Variants in CST6 observed in about 807,000 individuals in gnomAD.
CST6 encodes cystatin E/M, also known as cystatin-M.
In CST6, 8 loss-of-function variants were observed where a neutral mutation model predicts 10.7. That is an observed-to-expected ratio of 0.75 (90% confidence interval 0.44 to 1.34). CST6 has a LOEUF of 1.34. Among genes scored for constraint, CST6 ranks in the 40% most tolerant of loss-of-function variants. The pLI, the probability that CST6 is intolerant of heterozygous loss-of-function variation, is 0.01. For missense variants in CST6, 206 were observed against 205.1 expected (o/e 1.00, Z -0.03); for synonymous variants, 100 against 89.3 (o/e 1.12, Z -0.68).
In CST6 at chr11:66,012,228, G is replaced by A. The variant is rs1367902456; in HGVS notation, c.184G>A (p.Gly62Ser). The A allele has an allele frequency of 6.2e-7, 1 of 1,604,656 alleles. No individual in the cohort carries two copies. ...AQAAVASYNMGSNSIYYFRDT... is the reference protein window; with the variant it reads ...AQAAVASYNMSSNSIYYFRDT... ...GGCGGCCGTGGCCAGCTACAACATG[G>A]GCAGCAACAGCATCTACTACTTCCG... Residue 62 changes from glycine (G) to serine (S), a missense_variant, in exon 1 of 3, where the codon GGC (glycine) becomes AGC (serine). Coordinates refer to ENST00000312134, the MANE Select transcript of CST6 (RefSeq NM_001323.4).
chr11:66,012,909 C>T lies in CST6; in HGVS notation c.324C>T (p.Val108=), dbSNP rs201325346. 1.2e-5 allele frequency: 20 copies of T among 1,613,662 alleles called. No homozygotes were observed. In the African/African-American group the frequency reaches 1.3e-4, roughly 11 times the overall value. The change falls in exon 2 of 3, where the codon GTC becomes GTT. Residue 108 remains valine (V), a synonymous_variant. Coordinates refer to ENST00000312134, the MANE Select transcript of CST6 (RefSeq NM_001323.4). ...AGACCAGGGTCACTGGAGACCACGT[C>T]GACCTCACCACTTGCCCCCTGGCAG... ...CRKTRVTGDH[V]DLTTCPLAAG... is the part of the protein sequence containing the mutation.
At position 66,012,028 on chromosome 11, in the gene CST6, C is replaced by CGACGGCACT. The variant is rs780195041; in HGVS notation, c.-10_-2dup. 6 of 1,524,258 alleles carry CGACGGCACT rather than the reference C, an allele frequency of 3.9e-6. No homozygotes were observed. In the Admixed American group the frequency reaches 1.2e-4, roughly 29 times the overall value. 94.4% of individuals were successfully genotyped at this position (1,524,258 alleles called of 1,614,324 possible). On this transcript the variant is annotated 5_prime_UTR_variant, in exon 1 of 3. Coordinates refer to ENST00000312134, the MANE Select transcript of CST6 (RefSeq NM_001323.4). ...TCGGCACTCACGGCTCTGAGGGCTC[C>CGACGGCACT]GACGGCACTGACGGCCATGGCGCGT...
In CST6 at chr11:66,012,092, A is replaced by G. The variant is rs754583999; in HGVS notation, c.48A>G (p.Ala16=). 6.4e-7 allele frequency: 1 copy of G among 1,567,378 alleles called. No individual in the cohort carries two copies. The highest frequency in any genetic ancestry group is 8.6e-7 in the Non-Finnish European group (1 of 1,164,970). Residue 16 remains alanine (A), a synonymous_variant, in exon 1 of 3, where the codon GCA becomes GCG. Transcript: ENST00000312134. ...TGGCGCTGGGCCTGGCCCTGGTCGC[A>G]TTCTGCCTCCTGGCGCTGCCACGCG... The part of the protein sequence containing the change: ...LPLALGLALV[A]FCLLALPRDA...
chr11:66,012,991 C>T, intron 2 of CST6, 40 bp downstream of exon 2: 1 of 1,608,700 alleles, frequency 6.2e-7, no homozygotes, highest in Non-Finnish European at 8.5e-7. Context: ...CTCCCCAGAG[C>T]CTCAGGCACT....
chr11:66,012,569 T>TG (rs1162356716), intron 1 of CST6, among the ~76,000 whole-genome samples: 1 of 151,468 alleles, frequency 6.6e-6, no homozygotes. Context: ...GTGGGGACAG[T>TG]GGGCAGCTCC....
In CST6 at chr11:66,012,291, C is replaced by T. The variant is rs369877968; in HGVS notation, c.240+7C>T. 979 of 1,586,282 alleles carry T rather than the reference C, an allele frequency of 6.2e-4. 2 individuals carry two copies. The highest frequency in any genetic ancestry group is 7.6e-4 in the Non-Finnish European group (879 of 1,162,290). ...CATCAAGGCGCAGAGCCAGGTGCGGCGGGCGGGGTGCTGGGAGGGGACACC... is the reference window on the plus strand; with the variant it reads ...CATCAAGGCGCAGAGCCAGGTGCGGTGGGCGGGGTGCTGGGAGGGGACACC... On this transcript the variant is annotated splice_region_variant and intron_variant, in intron 1 of 2. Transcript: ENST00000312134.
intron 1 of CST6, 109 bp from the exon 2 acceptor site, chr11:66,012,717 C>T: frequency 1.7e-6 from 1 of 599,332 alleles, no homozygotes; most frequent in South Asian, 2.1e-5. Context: ...CATCCCCTCT[C>T]CCTCTCTCCC....
chr11:66,013,056 G>C, intron 2 of CST6, 105 bp downstream of exon 2: 4 of 1,451,906 alleles, frequency 2.8e-6, no homozygotes, highest in Non-Finnish European at 3.8e-6. Context: ...TAGATGTCTG[G>C]CTGAACCTGT....
chr11:66,012,344 C>T, intron 1 of CST6, 60 bp downstream of exon 1: 1 of 1,519,370 alleles, frequency 6.6e-7, no homozygotes, highest in Non-Finnish European at 8.9e-7. Flanking sequence ...GCCACAGGCG[C>T]TGCCCCAGCG....
intron 1 of CST6, 105 bp from the exon 2 acceptor site, chr11:66,012,721 C>A: frequency 1.3e-6 from 1 of 755,852 alleles, no homozygotes; most frequent in Non-Finnish European, 1.9e-6. Context: ...CCCTCTCCCT[C>A]TCTCCCCACC....
At position 66,012,881 on chromosome 11, in the gene CST6, G is replaced by A. The variant is rs762210200; in HGVS notation, c.296G>A (p.Arg99His). 10 of 1,613,196 alleles carry A rather than the reference G, an allele frequency of 6.2e-6. No individual in the cohort carries two copies. The highest frequency in any genetic ancestry group is 4.4e-5 in the South Asian group (4 of 91,060). The change falls in exon 2 of 3, where the codon CGC becomes CAC. Residue 99 changes from arginine to histidine, a missense_variant. Arg to His is a conservative substitution (Grantham distance 29). Transcript: ENST00000312134. ...ATGGAGATGGGGAGCACAGACTGCC[G>A]CAAGACCAGGGTCACTGGAGACCAC... The part of the protein sequence containing the change: ...LTMEMGSTDC[R>H]KTRVTGDHVD...
chr11:66,013,139 G>A (rs1278490308), intron 2 of CST6, 178 bp from the exon 3 acceptor site: 1 of 981,984 alleles, frequency 1.0e-6, no homozygotes, highest in South Asian at 1.3e-5. Flanking sequence ...CCTCGGGAAT[G>A]GGGAAGTTGG....
Position 66,012,825 on chromosome 11 carries a change from G to A in CST6, c.241-1G>A, listed in dbSNP as rs1856184023. Reference sequence around the variant, plus strand: ...GACCTGCCCCTACCCTATGCCCCCAGCTGGTGGCCGGCATCAAGTACTTCC... The same window carrying A: ...GACCTGCCCCTACCCTATGCCCCCAACTGGTGGCCGGCATCAAGTACTTCC... On this transcript the variant is annotated splice_acceptor_variant, in intron 1 of 2. Transcript: ENST00000312134. LOFTEE classifies it high-confidence loss of function. 6.2e-7 allele frequency: 1 copy of A among 1,602,950 alleles called. No individual in the cohort carries two copies. The highest frequency in any genetic ancestry group is 8.5e-7 in the Non-Finnish European group (1 of 1,171,828).
At position 66,013,489 on chromosome 11, in the gene CST6, C is replaced by A; in HGVS notation, c.*89C>A. ...GGCCGTATCTGTCACAATAAATGGC[C>A]AGTGCTGCTTCTTGCATTGGTTTCT... On this transcript the variant is annotated 3_prime_UTR_variant, in exon 3 of 3. Coordinates refer to ENST00000312134, the MANE Select transcript of CST6 (RefSeq NM_001323.4). 1 of 1,066,838 alleles carries A rather than the reference C, an allele frequency of 9.4e-7. No individual in the cohort carries two copies. The highest frequency in any genetic ancestry group is 1.3e-5 in the South Asian group (1 of 79,912). 66.1% of individuals were successfully genotyped at this position (1,066,838 alleles called of 1,614,324 possible).
Position 66,013,385 on chromosome 11 carries a change from C to A in CST6, c.435C>A (p.Asn145Lys). The change falls in exon 3 of 3, where the codon AAC (asparagine) becomes AAA (lysine). Residue 145 changes from asparagine (N) to lysine (K), a missense_variant. Asn to Lys is a moderately conservative substitution (Grantham distance 94, BLOSUM62 0). Coordinates refer to ENST00000312134, the MANE Select transcript of CST6 (RefSeq NM_001323.4). ...ACTCCTCTCAGCTCCTAAAGCACAA[C>A]TGTGTGCAGATGTGATAAGTCCCCG... ...WQNSSQLLKH[N>K]CVQM The A allele has an allele frequency of 6.2e-7, 1 of 1,614,198 alleles. No homozygotes were observed. Among genetic ancestry groups the A allele is most frequent in the South Asian group, 1.1e-5 (1 of 91,088 alleles).
At chr11:66,013,154 C>T (rs771575909) in intron 2 of CST6, 163 bp from the exon 3 acceptor site, 3 of 970,354 alleles carry the variant, frequency 3.1e-6, no homozygotes, top group African/African-American at 3.2e-5. Context: ...AGTTGGCTAC[C>T]AAGATCTGGA....
chr11:66,013,078 A>G, intron 2 of CST6, 127 bp downstream of exon 2: 1 of 1,341,680 alleles, frequency 7.5e-7, no homozygotes, highest in African/African-American at 1.4e-5. Flanking sequence ...GTCCTTCTGG[A>G]TGAGTCAGCC....
At chr11:66,012,662 A>ACCCC (rs1306316798) in intron 1 of CST6, among the ~76,000 whole-genome samples, 164 bp from the exon 2 acceptor site, 10 of 11,670 alleles carry the variant, frequency 8.6e-4, no homozygotes, top group Admixed American at 2.2e-3. Context: ...CCCCACCAGA[A>ACCCC]CTCCCCCCCC....
chr11:66,012,751 G>A, intron 1 of CST6, 75 bp from the exon 2 acceptor site: 1 of 1,465,206 alleles, frequency 6.8e-7, no homozygotes, highest in Non-Finnish European at 9.2e-7. Flanking sequence ...GGGGGCAACA[G>A]GAGAATATAT....
Sources: gnomAD v4.1 joint callset for allele counts (sites outside exome capture counted in the v4.1 genomes callset) on GRCh38, gnomAD v4.1.1 for gene constraint, MANE v1.5 for transcripts, NCBI Gene and HGNC (gene_info 2026-07-23, HGNC 2026-07-21) for gene names.